Variants in RBFOX1 observed in about 807,000 individuals in gnomAD.
RBFOX1 encodes the protein RNA binding protein fox-1 homolog 1.
RBFOX1 carries 8 observed loss-of-function variants against 57.7 expected under a neutral mutation model. The observed-to-expected ratio is 0.14, with a 90% CI of 0.08 to 0.25. The LOEUF is 0.25. Ranked by LOEUF, RBFOX1 falls within the 10% of genes least tolerant of loss-of-function variation. The pLI is 1.00. For synonymous variants in RBFOX1, 326 were observed against 222.4 expected, an observed-to-expected ratio of 1.47 and a Z score of -4.15; for missense variants, 611 against 548.5, an observed-to-expected ratio of 1.11 and a Z score of -1.14.
chr16:7,368,624 A>G (rs1017145943), intron 4 of RBFOX1, among the ~76,000 whole-genome samples: 1 of 151,516 alleles, frequency 6.6e-6, no homozygotes, highest in African/African-American at 2.4e-5. Context: ...TAAAAATACA[A>G]AAAAAATTAG....
chr16:5,902,732 G>A (rs891113394), intron 4 of RBFOX1, among the ~76,000 whole-genome samples: 1 of 152,052 alleles, frequency 6.6e-6, no homozygotes, highest in East Asian at 1.9e-4. Flanking sequence ...AATCATAGAG[G>A]ACAAGAAGCC....
At chr16:6,473,506 C>G (rs144877137) in intron 2 of RBFOX1, among the ~76,000 whole-genome samples, 1 of 152,120 alleles carries the variant, frequency 6.6e-6, no homozygotes, top group Non-Finnish European at 1.5e-5. Flanking sequence ...GTCTCCCTCA[C>G]TAGAACATAA....
intron 4 of RBFOX1, among the ~76,000 whole-genome samples, chr16:7,266,941 A>G (rs569204908): frequency 6.6e-6 from 1 of 152,106 alleles, no homozygotes; most frequent in Non-Finnish European, 1.5e-5. Context: ...AGACTGAGCA[A>G]TAGGGAGAGA....
At chr16:7,249,562 T>C (rs761239327) in intron 4 of RBFOX1, among the ~76,000 whole-genome samples, 1 of 151,584 alleles carries the variant, frequency 6.6e-6, no homozygotes, top group African/African-American at 2.4e-5. Context: ...AATATAGCTA[T>C]ATATTATGAA....
At chr16:6,453,512 C>G (rs1402621168) in intron 2 of RBFOX1, among the ~76,000 whole-genome samples, 1 of 152,076 alleles carries the variant, frequency 6.6e-6, no homozygotes, top group African/African-American at 2.4e-5. Context: ...AGACCAATAA[C>G]AAGTTCTGAA....
rs58001973 is a variant in RBFOX1, at chr16:6,124,789, A to G, written c.-127+104797A>G. Among the ~76,000 whole-genome samples, 392 of 152,178 alleles carry G rather than the reference A, an allele frequency of 2.6e-3. 2 individuals carry two copies. The highest frequency in any genetic ancestry group is 9.1e-3 in the African/African-American group (379 of 41,524). On this transcript the variant is annotated intron_variant, in intron 1 of 15. Transcript: ENST00000550418. The stretch of plus-strand genomic sequence containing the variant: ...GTGATCTGCCCGCCTTGGCCTTCCA[A>G]AATGGTAGGATTACAGGCATGAGTC...
At chr16:6,894,017 C>T (rs2066154475) in intron 3 of RBFOX1, among the ~76,000 whole-genome samples, 3 of 152,146 alleles carry the variant, frequency 2.0e-5, no homozygotes, top group Admixed American at 2.0e-4. Flanking sequence ...TCTAATATCC[C>T]AAAGACAGCT....
chr16:7,503,749 T>C (rs1196463623), intron 4 of RBFOX1, among the ~76,000 whole-genome samples: 3 of 152,222 alleles, frequency 2.0e-5, no homozygotes, highest in Non-Finnish European at 4.4e-5. Context: ...TGTCTGTTCT[T>C]TCCCTTACAA....
chr16:7,298,149 A>G (rs952395600), intron 4 of RBFOX1, among the ~76,000 whole-genome samples: 12 of 152,138 alleles, frequency 7.9e-5, no homozygotes, highest in African/African-American at 2.2e-4. Flanking sequence ...GGTGCATTGC[A>G]TGCATGTCCT....
intron 3 of RBFOX1, among the ~76,000 whole-genome samples, chr16:6,919,749 G>A (rs1379592478): frequency 2.0e-5 from 3 of 149,132 alleles, no homozygotes; most frequent in African/African-American, 7.4e-5. Flanking sequence ...AGGAGGCTGA[G>A]TGACCTGGCT....
intron 2 of RBFOX1, among the ~76,000 whole-genome samples, chr16:5,544,289 C>T (rs1461291131): frequency 6.6e-6 from 1 of 152,156 alleles, no homozygotes; most frequent in Non-Finnish European, 1.5e-5. Context: ...CTGGGAAATT[C>T]TCAGGTTTTT....
intron 4 of RBFOX1, among the ~76,000 whole-genome samples, chr16:5,979,539 TTCTC>T (rs2060131987): frequency 6.6e-6 from 1 of 152,314 alleles, no homozygotes; most frequent in South Asian, 2.1e-4. Context: ...AATCCTTACA[TTCTC>T]TCAGTTAAGT....
At chr16:6,949,596 C>T (rs936577596) in intron 3 of RBFOX1, among the ~76,000 whole-genome samples, 5 of 151,968 alleles carry the variant, frequency 3.3e-5, no homozygotes, top group African/African-American at 1.2e-4. Context: ...TTTGTGCCTA[C>T]GTGCATCTTG....
chr16:6,533,835 T>A (rs902087773), intron 2 of RBFOX1, among the ~76,000 whole-genome samples: 1 of 152,106 alleles, frequency 6.6e-6, no homozygotes, highest in Non-Finnish European at 1.5e-5. Context: ...TTTTCCCAGA[T>A]AAAACACAGT....
intron 2 of RBFOX1, among the ~76,000 whole-genome samples, chr16:6,505,443 A>G (rs1174654613): frequency 6.6e-6 from 1 of 152,236 alleles, no homozygotes; most frequent in Non-Finnish European, 1.5e-5. Flanking sequence ...TCCAGGAGGA[A>G]TGTGAATTTT....
At chr16:6,297,675 C>T (rs150633106) in intron 1 of RBFOX1, among the ~76,000 whole-genome samples, 1 of 152,032 alleles carries the variant, frequency 6.6e-6, no homozygotes, top group Non-Finnish European at 1.5e-5. Flanking sequence ...ACCACACCCC[C>T]CTATCCTATA....
At chr16:7,625,030 G>A (rs1266226786) in intron 10 of RBFOX1, among the ~76,000 whole-genome samples, 2 of 152,172 alleles carry the variant, frequency 1.3e-5, no homozygotes, top group Non-Finnish European at 2.9e-5. Context: ...TGGCAGATAA[G>A]TGGTAGATTA....
intron 2 of RBFOX1, among the ~76,000 whole-genome samples, chr16:5,572,709 A>C (rs186003516): frequency 6.1e-4 from 93 of 152,286 alleles, no homozygotes; most frequent in Non-Finnish European, 9.4e-4. Flanking sequence ...CATTTTACAA[A>C]AGGTGGTCAA....
intron 3 of RBFOX1, among the ~76,000 whole-genome samples, chr16:6,994,973 G>C (rs1310664899): frequency 1.3e-5 from 2 of 151,058 alleles, no homozygotes; most frequent in Non-Finnish European, 3.0e-5. Flanking sequence ...GTGTGTGTGT[G>C]TTGGTCATTG....
Sources: allele counts gnomAD v4.1 joint callset (sites outside exome capture counted in the v4.1 genomes callset), GRCh38; gene constraint gnomAD v4.1.1; transcripts MANE v1.5; gene names NCBI Gene and HGNC (gene_info 2026-07-23, HGNC 2026-07-21).